PRR14L: variants seen among roughly 807,000 people sequenced by gnomAD.
PRR14L encodes the protein proline rich 14 like.
PRR14L carries 80 observed loss-of-function variants against 155.0 expected under a neutral mutation model. The ratio of observed to expected loss-of-function variants is 0.52; its 90% CI spans 0.43 to 0.62. The LOEUF (loss-of-function observed/expected upper bound fraction) is 0.62. Among genes scored for constraint, PRR14L ranks in the 20% least tolerant of loss-of-function variants. The pLI, the probability that PRR14L is intolerant of heterozygous loss-of-function variation, is 0.00. For missense variants in PRR14L, 2,469 were observed against 2,548.0 expected, an observed-to-expected ratio of 0.97 and a Z score of 0.67; for synonymous variants, 883 against 916.0, an observed-to-expected ratio of 0.96 and a Z score of 0.65.
At position 31,714,138 on chromosome 22, in the gene PRR14L, C is replaced by T. The variant is rs2074640061; in HGVS notation, c.3701G>A (p.Ser1234Asn). The T allele has an allele frequency of 1.3e-6, 2 of 1,551,580 alleles. No homozygotes were observed. The highest frequency in any genetic ancestry group is 1.7e-6 in the Non-Finnish European group (2 of 1,146,980). Reference protein sequence around the residue: ...CHDESSVSLRSLKSIEIMPSQ... With the variant: ...CHDESSVSLRNLKSIEIMPSQ... ...AGGCATTATTTCAATGGATTTCAGGCTTCTTAGGGAAACAGAGCTTTCATC... is the reference window on the plus strand; with the variant it reads ...AGGCATTATTTCAATGGATTTCAGGTTTCTTAGGGAAACAGAGCTTTCATC... The change falls in exon 4 of 9, where the codon AGC becomes AAC. Residue 1234 changes from serine (S) to asparagine (N), a missense_variant. Transcript: ENST00000327423.
intron 4 of PRR14L, among the ~76,000 whole-genome samples, chr22:31,708,053 G>GTGGGAGAATCGCTTGAACC (rs1176406015): frequency 2.6e-5 from 4 of 152,074 alleles, no homozygotes; most frequent in Non-Finnish European, 4.4e-5. Context: ...GGAGGCTGGA[G>GTGGGAGAATCGCTTGAACC]TGGGAGAATC....
At chr22:31,711,776 C>CAAAAAAAAAAAAAAAAA (rs757790329) in intron 4 of PRR14L, among the ~76,000 whole-genome samples, 1 of 48,730 alleles carries the variant, frequency 2.1e-5, no homozygotes. Context: ...AAGAGTTAAT[C>CAAAAAAAAAAAAAAAAA]AAAAAAAAAA....
Position 31,701,448 on chromosome 22 carries a change from T to C in PRR14L, c.6107+208A>G, listed in dbSNP as rs76511848. On this transcript the variant is annotated intron_variant, in intron 7 of 8. Coordinates refer to ENST00000327423, the MANE Select transcript of PRR14L (RefSeq NM_173566.3). Reference sequence around the variant, plus strand: ...AATGCTACGACCTAACACAGGTTCATTTGGAGGGTTTACTAAGATTATGTA... The same window carrying C: ...AATGCTACGACCTAACACAGGTTCACTTGGAGGGTTTACTAAGATTATGTA... Among the ~76,000 whole-genome samples, 838 of 152,300 alleles carry C rather than the reference T, an allele frequency of 5.5e-3. 5 individuals are homozygous for C. The highest frequency in any genetic ancestry group is 0.019 in the African/African-American group (795 of 41,566).
Position 31,714,082 on chromosome 22 carries a change from T to C in PRR14L, c.3757A>G (p.Ser1253Gly), listed in dbSNP as rs1159450843. The C allele has an allele frequency of 5.8e-6, 9 of 1,549,848 alleles. No individual in the cohort carries two copies. The highest frequency in any genetic ancestry group is 7.0e-6 in the Non-Finnish European group (8 of 1,146,576). ...AGATTTTTCAGGTCAGTTTCTTCAC[T>C]GTTAACATTAGTTTCTGAATTTTCT... The part of the protein sequence containing the change: ...SQENSETNVN[S>G]EETDLKNLCK... Residue 1253 changes from serine (S) to glycine (G), a missense_variant, in exon 4 of 9, where the codon AGT becomes GGT. By Grantham distance (56) the Ser-to-Gly change is moderately conservative (BLOSUM62 0). Transcript: ENST00000327423.
chr22:31,747,804 C>T (rs893101750), intron 1 of PRR14L, among the ~76,000 whole-genome samples: 2 of 145,206 alleles, frequency 1.4e-5, no homozygotes, highest in Non-Finnish European at 3.1e-5. Context: ...AATTCCTATC[C>T]CACCAAAAAA....
rs936011466 is a variant in PRR14L, at chr22:31,716,150, A to G, written c.1689T>C (p.Asn563=). The G allele has an allele frequency of 1.3e-6, 2 of 1,551,440 alleles. No homozygotes were observed. The highest frequency in any genetic ancestry group is 1.2e-5 in the South Asian group (1 of 84,060). ...GNTQLNEASC[N]DFLFERKSIV... ...TGGATTTTCTTTCAAACAGAAAATC[A>G]TTACATGATGCTTCATTTAACTGGG... Residue 563 remains asparagine (N), a synonymous_variant, in exon 4 of 9, where the codon AAT becomes AAC. Coordinates refer to ENST00000327423, the MANE Select transcript of PRR14L (RefSeq NM_173566.3).
At position 31,713,762 on chromosome 22, in the gene PRR14L, A is replaced by G. The variant is rs770016595; in HGVS notation, c.4077T>C (p.Val1359=). The G allele has an allele frequency of 1.3e-6, 2 of 1,552,232 alleles. No homozygotes were observed. Among genetic ancestry groups the G allele is most frequent in the Non-Finnish European group, 1.7e-6 (2 of 1,147,142 alleles). ...LTVGEQSEEL[V]TRETGDGDPV... ...GATCGCCATCGCCAGTTTCTCTGGTAACCAACTCCTCAGATTGCTCCCCAA... is the reference window on the plus strand; with the variant it reads ...GATCGCCATCGCCAGTTTCTCTGGTGACCAACTCCTCAGATTGCTCCCCAA... The change falls in exon 4 of 9, where the codon GTT becomes GTC. Residue 1359 remains valine, a synonymous_variant. Transcript: ENST00000327423.
At chr22:31,731,559 C>A (rs1484242966) in intron 2 of PRR14L, among the ~76,000 whole-genome samples, 1 of 99,480 alleles carries the variant, frequency 1.0e-5, no homozygotes, top group Non-Finnish European at 1.8e-5. Context: ...CAGAGTGAGA[C>A]TGTCTCAAAA....
At chr22:31,685,861 A>G in intron 8 of PRR14L, 58 bp from the exon 9 acceptor site, 1 of 1,494,956 alleles carries the variant, frequency 6.7e-7, no homozygotes, top group Non-Finnish European at 9.1e-7. Flanking sequence ...CCATCCTGTC[A>G]ACAGGGTCAG....
chr22:31,727,992 A>G (rs1340661126), intron 2 of PRR14L, among the ~76,000 whole-genome samples: 1 of 151,930 alleles, frequency 6.6e-6, no homozygotes, highest in Non-Finnish European at 1.5e-5. Flanking sequence ...AAAAAAAAAA[A>G]AAGAAAAGAA....
intron 6 of PRR14L, among the ~76,000 whole-genome samples, chr22:31,702,582 C>G (rs2074568038): frequency 6.6e-6 from 1 of 152,076 alleles, no homozygotes; most frequent in Admixed American, 6.6e-5. Context: ...GTGGTGCAAT[C>G]CAGGCTCACT....
At position 31,682,331 on chromosome 22, in the gene PRR14L, G is replaced by C. The variant is rs1011285788; in HGVS notation, c.*3196C>G. 1 of 152,190 alleles carries C rather than the reference G, an allele frequency of 6.6e-6. No individual in the cohort carries two copies. The highest frequency in any genetic ancestry group is 1.5e-5 in the Non-Finnish European group (1 of 68,050). The allele number at this position is 152,190 out of a possible 1,614,324, so 9.4% of individuals were successfully genotyped here. On this transcript the variant is annotated 3_prime_UTR_variant, in exon 9 of 9. Transcript: ENST00000327423. Reference sequence around the variant, plus strand: ...ATGATTTTCACAGCTCTTGAGGAGCGCTGAGTTTTGGGATTCACAGCATGG... The same window carrying C: ...ATGATTTTCACAGCTCTTGAGGAGCCCTGAGTTTTGGGATTCACAGCATGG...
chr22:31,730,172 G>C (rs1327698342), intron 2 of PRR14L, among the ~76,000 whole-genome samples: 1 of 151,760 alleles, frequency 6.6e-6, no homozygotes, highest in Non-Finnish European at 1.5e-5. Flanking sequence ...GGGCGCTGTG[G>C]CTCATGCCTG....
At chr22:31,731,589 A>AG (rs2074750588) in intron 2 of PRR14L, among the ~76,000 whole-genome samples, 1 of 148,510 alleles carries the variant, frequency 6.7e-6, no homozygotes, top group Non-Finnish European at 1.5e-5. Flanking sequence ...AAAAAAAAAA[A>AG]AAAAGATAAC....
chr22:31,712,283 G>T lies in PRR14L; in HGVS notation c.5556C>A (p.Phe1852Leu). The T allele has an allele frequency of 6.2e-7, 1 of 1,614,198 alleles. No individual in the cohort carries two copies. Among genetic ancestry groups the T allele is most frequent in the Non-Finnish European group, 8.5e-7 (1 of 1,180,036 alleles). Reference protein sequence around the residue: ...SSHMPTMQRLFMTQFTQGLKG... With the variant: ...SSHMPTMQRLLMTQFTQGLKG... Reference sequence around the variant, plus strand: ...TCAGGCCCTGTGTAAACTGGGTCATGAAGAGCCTCTGCATGGTAGGCATGT... The same window carrying T: ...TCAGGCCCTGTGTAAACTGGGTCATTAAGAGCCTCTGCATGGTAGGCATGT... Residue 1852 changes from phenylalanine to leucine, a missense_variant, in exon 4 of 9, where the codon TTC (phenylalanine) becomes TTA (leucine). Coordinates refer to ENST00000327423, the MANE Select transcript of PRR14L (RefSeq NM_173566.3).
chr22:31,719,048 T>C (rs1254596374), intron 3 of PRR14L, among the ~76,000 whole-genome samples: 5 of 151,944 alleles, frequency 3.3e-5, no homozygotes, highest in Non-Finnish European at 7.4e-5. Flanking sequence ...CACTCTAGCC[T>C]GGGTGACAGA....
At chr22:31,692,622 T>C (rs2074517051) in intron 7 of PRR14L, among the ~76,000 whole-genome samples, 1 of 152,234 alleles carries the variant, frequency 6.6e-6, no homozygotes, top group Non-Finnish European at 1.5e-5. Context: ...CTGTGGGTTA[T>C]ACATTATCTT....
At chr22:31,745,925 T>G (rs2074835818) in intron 1 of PRR14L, among the ~76,000 whole-genome samples, 1 of 151,072 alleles carries the variant, frequency 6.6e-6, no homozygotes, top group Non-Finnish European at 1.5e-5. Flanking sequence ...CACCAATGAC[T>G]TATCTGTATG....
intron 7 of PRR14L, among the ~76,000 whole-genome samples, chr22:31,695,368 G>A (rs975945578): frequency 1.3e-5 from 2 of 152,118 alleles, no homozygotes; most frequent in African/African-American, 2.4e-5. Flanking sequence ...TTCTCTTTCC[G>A]GTTTGGTGAG....
Sources: allele counts gnomAD v4.1 joint callset (sites outside exome capture counted in the v4.1 genomes callset), GRCh38; gene constraint gnomAD v4.1.1; transcripts MANE v1.5; gene names NCBI Gene and HGNC (gene_info 2026-07-23, HGNC 2026-07-21).